The following GALNT13 variants were observed in gnomAD, a reference collection of about 807,000 sequenced individuals.
The protein encoded by GALNT13 is UDP-GalNAc:polypeptide N-acetylgalactosaminyltransferase 13.
Under a neutral mutation model 64.2 loss-of-function variants are expected in GALNT13, and 28 were observed. That is an observed-to-expected ratio of 0.44 (90% CI 0.32 to 0.60). GALNT13 has a LOEUF of 0.60. Ranked by LOEUF, GALNT13 falls within the 20% of genes least tolerant of loss-of-function variation. GALNT13 has a pLI of 0.05. For synonymous variants in GALNT13, 214 were observed against 224.6 expected (o/e 0.95, Z 0.42); for missense variants, 577 against 669.8 (o/e 0.86, Z 1.53).
At chr2:153,942,898 A>G (rs752606602) in intron 2 of GALNT13, among the ~76,000 whole-genome samples, 20 of 152,182 alleles carry the variant, frequency 1.3e-4, no homozygotes, top group Non-Finnish European at 2.9e-4. Context: ...GCTTGTGCTC[A>G]TCAAATTATA....
At chr2:154,187,564 G>A (rs1412267976) in intron 4 of GALNT13, among the ~76,000 whole-genome samples, 1 of 151,850 alleles carries the variant, frequency 6.6e-6, no homozygotes, top group Admixed American at 6.6e-5. Flanking sequence ...CAGCTCAATG[G>A]TACATTTATT....
intron 8 of GALNT13, among the ~76,000 whole-genome samples, chr2:154,269,752 C>T (rs1388653939): frequency 2.0e-5 from 3 of 150,994 alleles, no homozygotes; most frequent in African/African-American, 7.3e-5. Context: ...TCTGTCATCT[C>T]GGCCACCACT....
At chr2:153,290,571 C>T in the GALNT13 span, among the ~76,000 whole-genome samples, 2 of 152,150 alleles carry the variant, frequency 1.3e-5, no homozygotes, top group African/African-American at 4.8e-5. Flanking sequence ...ATCCAATGAA[C>T]AATACCAATC....
the GALNT13 span, among the ~76,000 whole-genome samples, chr2:153,748,804 T>C: frequency 6.6e-6 from 1 of 152,080 alleles, no homozygotes; most frequent in African/African-American, 2.4e-5. Flanking sequence ...ATTTATGCTT[T>C]GGTTGCCTAT....
intron 10 of GALNT13, among the ~76,000 whole-genome samples, chr2:154,402,768 T>C (rs747336185): frequency 6.6e-6 from 1 of 152,240 alleles, no homozygotes; most frequent in African/African-American, 2.4e-5. Context: ...TATGGTACCG[T>C]TGACAAAATT....
At chr2:153,345,654 TCTTTCTTTCTTTCTTTC>T in the GALNT13 span, among the ~76,000 whole-genome samples, 7 of 133,610 alleles carry the variant, frequency 5.2e-5, no homozygotes, top group African/African-American at 2.1e-4. Flanking sequence ...TTTCTTTCTT[TCTTTCTTTCTTTCTTTC>T]TTTCTTTCTT....
At chr2:153,122,823 C>A in the GALNT13 span, among the ~76,000 whole-genome samples, 1 of 152,084 alleles carries the variant, frequency 6.6e-6, no homozygotes, top group Non-Finnish European at 1.5e-5. Context: ...TACCCCCTCC[C>A]CCCAAAAATA....
At chr2:153,733,071 A>G in the GALNT13 span, among the ~76,000 whole-genome samples, 1 of 152,144 alleles carries the variant, frequency 6.6e-6, no homozygotes, top group African/African-American at 2.4e-5. Flanking sequence ...GTGGAAGAGT[A>G]GAAAGAAGAT....
chr2:153,095,397 T>C, the GALNT13 span, among the ~76,000 whole-genome samples: 1 of 152,178 alleles, frequency 6.6e-6, no homozygotes. Flanking sequence ...CAACAAGTGC[T>C]GGAGAGGATG....
chr2:153,520,566 G>A, the GALNT13 span, among the ~76,000 whole-genome samples: 1 of 152,106 alleles, frequency 6.6e-6, no homozygotes, highest in Non-Finnish European at 1.5e-5. Flanking sequence ...GTCAGAAAAG[G>A]AGAACTCATC....
intron 9 of GALNT13, among the ~76,000 whole-genome samples, chr2:154,326,475 C>T (rs1272601818): frequency 6.6e-6 from 1 of 151,910 alleles, no homozygotes; most frequent in East Asian, 1.9e-4. Context: ...CCAAATTTAA[C>T]TGGGAATTCT....
chr2:153,286,429 A>G, the GALNT13 span, among the ~76,000 whole-genome samples: 2 of 152,206 alleles, frequency 1.3e-5, no homozygotes, highest in African/African-American at 2.4e-5. Context: ...TAAATATGCC[A>G]TAGTCTCTCC....
chr2:153,576,678 G>C, the GALNT13 span, among the ~76,000 whole-genome samples: 1 of 152,162 alleles, frequency 6.6e-6, no homozygotes, highest in Non-Finnish European at 1.5e-5. Flanking sequence ...TCTTTTCAGT[G>C]CCTCTTTCAG....
rs368901812 is a variant in GALNT13, at chr2:154,124,329, G to A, written c.143-16008G>A. 3.3e-5 allele frequency among the ~76,000 whole-genome samples: 5 copies of A among 152,102 alleles called. No homozygotes were observed. In the East Asian group the frequency reaches 5.8e-4, roughly 18 times the overall value. On this transcript the variant is annotated intron_variant, in intron 3 of 12. Transcript: ENST00000392825. The stretch of plus-strand genomic sequence containing the variant: ...AATATGTTCATAGTCTTTGAACAAT[G>A]GATTCAGAATTTGAATCGAGTATAT...
At chr2:154,435,413 T>C (rs1438664105) in intron 11 of GALNT13, among the ~76,000 whole-genome samples, 1 of 152,174 alleles carries the variant, frequency 6.6e-6, no homozygotes, top group East Asian at 1.9e-4. Context: ...TTACACATAC[T>C]AACTGAGAGT....
At chr2:153,698,124 C>T in the GALNT13 span, among the ~76,000 whole-genome samples, 1 of 152,146 alleles carries the variant, frequency 6.6e-6, no homozygotes, top group African/African-American at 2.4e-5. Flanking sequence ...AAACCCGTTC[C>T]AGCCACTGCA....
At chr2:154,249,409 C>G (rs1689953149) in intron 7 of GALNT13, among the ~76,000 whole-genome samples, 1 of 152,068 alleles carries the variant, frequency 6.6e-6, no homozygotes, top group African/African-American at 2.4e-5. Context: ...ATAATTATGT[C>G]TACTACTAAA....
chr2:154,250,330 C>G (rs1380644527), intron 7 of GALNT13, among the ~76,000 whole-genome samples: 1 of 151,980 alleles, frequency 6.6e-6, no homozygotes, highest in Non-Finnish European at 1.5e-5. Context: ...TTCAATTTCT[C>G]TACAATGTAA....
At chr2:153,341,825 A>C in the GALNT13 span, among the ~76,000 whole-genome samples, 3 of 152,204 alleles carry the variant, frequency 2.0e-5, no homozygotes, top group Non-Finnish European at 2.9e-5. Flanking sequence ...TATATTTTTT[A>C]GGAGCTGAAC....
Sources: gnomAD v4.1 joint callset for allele counts (sites outside exome capture counted in the v4.1 genomes callset) on GRCh38, gnomAD v4.1.1 for gene constraint, MANE v1.5 for transcripts, NCBI Gene and HGNC (gene_info 2026-07-23, HGNC 2026-07-21) for gene names.